Variants in CUEDC1 observed in about 807,000 individuals in gnomAD.
CUEDC1 encodes the protein CUE domain-containing protein 1.
Under a neutral mutation model 43.7 loss-of-function variants are expected in CUEDC1, and 30 were observed. That is an observed-to-expected ratio of 0.69 (90% CI 0.51 to 0.93). CUEDC1 has a LOEUF of 0.93. Among genes scored for constraint, CUEDC1 ranks in the 40% least tolerant of loss-of-function variants. The pLI, the probability that CUEDC1 is intolerant of heterozygous loss-of-function variation, is 0.00. For synonymous variants in CUEDC1, 223 were observed against 223.6 expected (o/e 1.00, Z 0.02); for missense variants, 486 against 549.0 (o/e 0.89, Z 1.15).
chr17:57,865,975 A>C (rs2073951798), intron 10 of CUEDC1, among the ~76,000 whole-genome samples: 1 of 152,038 alleles, frequency 6.6e-6, no homozygotes, highest in African/African-American at 2.4e-5. Context: ...GGCGCTTGCC[A>C]CCACGCCAGG....
intron 2 of CUEDC1, among the ~76,000 whole-genome samples, chr17:57,883,025 T>C (rs568509139): frequency 7.8e-4 from 119 of 152,272 alleles, no homozygotes; most frequent in Non-Finnish European, 1.3e-3. Context: ...GTCAACTGTA[T>C]CTGCAGACAC....
rs927867335 is a variant in CUEDC1 at position 57,869,111 on chromosome 17, G to C, written c.940+11C>G. ...AGCTGGGGAGGGAAGCGGGGCCTGAGTGGGACTCACACTTTCCCATGTGTT... is the reference window on the plus strand; with the variant it reads ...AGCTGGGGAGGGAAGCGGGGCCTGACTGGGACTCACACTTTCCCATGTGTT... On this transcript the variant is annotated intron_variant, in intron 7 of 10. Coordinates refer to ENST00000577830, the MANE Select transcript of CUEDC1 (RefSeq NM_001271875.2). The C allele has an allele frequency of 1.9e-6, 3 of 1,613,656 alleles. No homozygotes were observed. Among genetic ancestry groups the C allele is most frequent in the Non-Finnish European group, 2.5e-6 (3 of 1,179,790 alleles).
chr17:57,864,073 A>T (rs576067521), intron 10 of CUEDC1, among the ~76,000 whole-genome samples: 1 of 152,176 alleles, frequency 6.6e-6, no homozygotes, highest in Non-Finnish European at 1.5e-5. Flanking sequence ...GAAAAATGGA[A>T]CTAAAGTGGT....
intron 1 of CUEDC1, among the ~76,000 whole-genome samples, chr17:57,950,808 G>A (rs7214887): frequency 0.068 from 10,330 of 152,196 alleles, 366 homozygotes; most frequent in African/African-American, 0.097. Flanking sequence ...GGCCTGCCCC[G>A]ATCTCCTGAC....
chr17:57,889,337 G>C (rs921326166), intron 1 of CUEDC1, among the ~76,000 whole-genome samples: 1 of 152,038 alleles, frequency 6.6e-6, no homozygotes, highest in Non-Finnish European at 1.5e-5. Context: ...ATTCTAGGGG[G>C]GTCTTCCCCA....
chr17:57,913,519 T>C (rs1259062283), intron 1 of CUEDC1, among the ~76,000 whole-genome samples: 1 of 152,026 alleles, frequency 6.6e-6, no homozygotes, highest in Non-Finnish European at 1.5e-5. Flanking sequence ...TGAATCAGAA[T>C]TTCCTGAGGT....
chr17:57,888,195 GC>G (rs1204674744), intron 1 of CUEDC1, among the ~76,000 whole-genome samples: 1 of 152,094 alleles, frequency 6.6e-6, no homozygotes, highest in Non-Finnish European at 1.5e-5. Flanking sequence ...GAGCCACTGC[GC>G]CCGGCATTAT....
At chr17:57,924,885 C>T (rs1567719401) in intron 1 of CUEDC1, among the ~76,000 whole-genome samples, 5 of 152,096 alleles carry the variant, frequency 3.3e-5, no homozygotes, top group Admixed American at 2.6e-4. Context: ...CTGACTTTCA[C>T]GCTCCATAAA....
At chr17:57,880,670 A>T (rs559171530) in intron 2 of CUEDC1, among the ~76,000 whole-genome samples, 1 of 151,954 alleles carries the variant, frequency 6.6e-6, no homozygotes, top group Non-Finnish European at 1.5e-5. Context: ...GCTACCTCTG[A>T]CCCTCCAGTT....
chr17:57,920,125 G>T (rs570595792), intron 1 of CUEDC1, among the ~76,000 whole-genome samples: 17 of 152,194 alleles, frequency 1.1e-4, no homozygotes, highest in African/African-American at 4.1e-4. Context: ...GCAATTAAGG[G>T]CCCAGTAGGT....
chr17:57,931,793 C>T (rs189742926), intron 1 of CUEDC1, among the ~76,000 whole-genome samples: 67 of 152,282 alleles, frequency 4.4e-4, no homozygotes, highest in Admixed American at 1.6e-3. Context: ...AGGGAGGATC[C>T]GGCTGAAAAG....
intron 4 of CUEDC1, among the ~76,000 whole-genome samples, chr17:57,873,232 G>T (rs1189860015): frequency 2.0e-5 from 3 of 152,134 alleles, no homozygotes. Flanking sequence ...GGGGCACCTT[G>T]GGGCATGCCA....
In CUEDC1 at chr17:57,954,274, C is replaced by T. The variant is rs1484794801; in HGVS notation, c.-316+951G>A. Reference sequence around the variant, plus strand: ...GCACGGTGGATGGTCTTCTTGTATCCTCTATCGCCTCCAGGGCATCTTGTT... The same window carrying T: ...GCACGGTGGATGGTCTTCTTGTATCTTCTATCGCCTCCAGGGCATCTTGTT... On this transcript the variant is annotated intron_variant, in intron 1 of 10. Coordinates refer to ENST00000577830, the MANE Select transcript of CUEDC1 (RefSeq NM_001271875.2). This position sits in a 1 kb window ranked among gnomAD's most constrained non-coding sequence, Gnocchi z 4.3. Among the ~76,000 whole-genome samples, 7 of 152,108 alleles carry T rather than the reference C, an allele frequency of 4.6e-5. No homozygotes were observed. The highest frequency in any genetic ancestry group is 1.2e-4 in the African/African-American group (5 of 41,388).
chr17:57,912,795 A>T (rs1258041747), intron 1 of CUEDC1, among the ~76,000 whole-genome samples: 1 of 152,176 alleles, frequency 6.6e-6, no homozygotes, highest in African/African-American at 2.4e-5. Context: ...TGGCACACTG[A>T]TTCTCAACTA....
At chr17:57,902,747 G>A (rs996583818) in intron 1 of CUEDC1, among the ~76,000 whole-genome samples, 6 of 152,200 alleles carry the variant, frequency 3.9e-5, no homozygotes, top group East Asian at 1.9e-4. Context: ...GTCCCCGAAC[G>A]CTTTGCATTC....
intron 1 of CUEDC1, among the ~76,000 whole-genome samples, chr17:57,899,440 G>A (rs914999189): frequency 1.3e-5 from 2 of 152,212 alleles, no homozygotes; most frequent in African/African-American, 4.8e-5. Context: ...AGGGAGGCAG[G>A]AGAAACCTCA....
intron 1 of CUEDC1, among the ~76,000 whole-genome samples, chr17:57,896,207 A>G (rs113069962): frequency 2.0e-3 from 299 of 152,232 alleles, no homozygotes; most frequent in African/African-American, 6.9e-3. Flanking sequence ...CTTCTATGAA[A>G]TTTACCTACA....
chr17:57,865,375 G>A (rs185994876), intron 10 of CUEDC1, among the ~76,000 whole-genome samples: 3 of 152,224 alleles, frequency 2.0e-5, no homozygotes, highest in Non-Finnish European at 1.5e-5. Context: ...AGAGGAGAGG[G>A]CACTTGTATT....
At chr17:57,865,823 CTTTTTTT>C (rs35170290) in intron 10 of CUEDC1, among the ~76,000 whole-genome samples, 3 of 134,716 alleles carry the variant, frequency 2.2e-5, no homozygotes, top group Non-Finnish European at 4.8e-5. Context: ...TTTTCTTTTT[CTTTTTTT>C]TTTTTTTTTG....
Sources: gnomAD v4.1 joint callset for allele counts (sites outside exome capture counted in the v4.1 genomes callset) on GRCh38, gnomAD v4.1.1 for gene constraint, Gnocchi (gnomAD v3.1) non-coding constraint, MANE v1.5 for transcripts, NCBI Gene and HGNC (gene_info 2026-07-23, HGNC 2026-07-21) for gene names.